KIF26A: variants seen among roughly 807,000 people sequenced by gnomAD.
The protein encoded by KIF26A is kinesin-like protein KIF26A.
KIF26A carries 74 observed loss-of-function variants against 126.0 expected under a neutral mutation model. The observed-to-expected ratio is 0.59, with a 90% CI of 0.49 to 0.71. The LOEUF is 0.71. Ranked by LOEUF, KIF26A falls within the 30% of genes least tolerant of loss-of-function variation. The probability of loss-of-function intolerance (pLI) is 0.00; values close to 1 mark genes in which losing one functional copy is unlikely to be tolerated. For missense variants in KIF26A, 2,984 were observed against 2,763.3 expected, an observed-to-expected ratio of 1.08 and a Z score of -1.79; for synonymous variants, 1,445 against 1,232.7, an observed-to-expected ratio of 1.17 and a Z score of -3.61.
intron 4 of KIF26A, among the ~76,000 whole-genome samples, chr14:104,164,379 C>T (rs149893078): frequency 0.013 from 1,958 of 152,302 alleles, 24 homozygotes; most frequent in Non-Finnish European, 0.021. Flanking sequence ...GGAGCGCCTC[C>T]TGTTGGGAGG....
chr14:104,165,745 G>C (rs921124229), intron 4 of KIF26A, among the ~76,000 whole-genome samples: 5 of 151,236 alleles, frequency 3.3e-5, no homozygotes, highest in Non-Finnish European at 5.9e-5. Context: ...ATGCATATGT[G>C]TGTCTGTGTT....
At chr14:104,165,091 A>T (rs1035591124) in intron 4 of KIF26A, among the ~76,000 whole-genome samples, 7 of 117,194 alleles carry the variant, frequency 6.0e-5, no homozygotes, top group Admixed American at 3.2e-4. Flanking sequence ...GTGTGTTTCT[A>T]TGTGTGTGTG....
At chr14:104,158,019 G>A in intron 4 of KIF26A, 77 bp downstream of exon 4, 1 of 1,353,558 alleles carries the variant, frequency 7.4e-7, no homozygotes, top group South Asian at 1.6e-5. Context: ...GGGACCTATG[G>A]GCCGTTCTTG....
At position 104,176,583 on chromosome 14, in the gene KIF26A, T is replaced by C. The variant is rs2038031179; in HGVS notation, c.3795T>C (p.Leu1265=). The C allele has an allele frequency of 1.2e-6, 2 of 1,608,006 alleles. No homozygotes were observed. The highest frequency in any genetic ancestry group is 2.7e-5 in the African/African-American group (2 of 74,900). Reference sequence around the variant, plus strand: ...CTGGCAGGGCCCCCAGCCCCACACTTGGCTCCCCCCGGCTGCCTGAGGCCC... The same window carrying C: ...CTGGCAGGGCCCCCAGCCCCACACTCGGCTCCCCCCGGCTGCCTGAGGCCC... The part of the protein sequence containing the change: ...ASAGRAPSPT[L]GSPRLPEAQV... Residue 1265 remains leucine (L), a synonymous_variant, in exon 12 of 15, where the codon CTT becomes CTC. Coordinates refer to ENST00000423312, the MANE Select transcript of KIF26A (RefSeq NM_015656.2).
intron 7 of KIF26A, 29 bp from the exon 8 acceptor site, chr14:104,172,948 G>A (rs1251243210): frequency 6.4e-7 from 1 of 1,558,794 alleles, no homozygotes; most frequent in Non-Finnish European, 8.7e-7. Context: ...GTGGTGTGTG[G>A]TGGGGCCTGA....
intron 13 of KIF26A, among the ~76,000 whole-genome samples, 173 bp from the exon 14 acceptor site, chr14:104,179,063 C>T (rs184016334): frequency 4.5e-4 from 69 of 152,246 alleles, no homozygotes; most frequent in Non-Finnish European, 8.7e-4. Context: ...GAGCCAGGAC[C>T]CAGACGGGCA....
At position 104,173,724 on chromosome 14, in the gene KIF26A, G is replaced by T; in HGVS notation, c.1886G>T (p.Arg629Leu). 1 of 1,611,190 alleles carries T rather than the reference G, an allele frequency of 6.2e-7. No individual in the cohort carries two copies. Residue 629 changes from arginine to leucine, a missense_variant, in exon 10 of 15, where the codon CGC (arginine) becomes CTC (leucine). Coordinates refer to ENST00000423312, the MANE Select transcript of KIF26A (RefSeq NM_015656.2). ...GRGGMSGGRS[R>L]LHLIDLGSCE... ...GTTCCAGTGTCCGGAGGCCGCAGCC[G>T]CCTGCACCTCATCGACCTGGGCAGC... is the stretch of plus-strand genomic sequence containing the variant.
At chr14:104,174,434 A>G (rs1345617364) in intron 11 of KIF26A, 124 bp downstream of exon 11, 12 of 970,150 alleles carry the variant, frequency 1.2e-5, no homozygotes, top group Middle Eastern at 3.4e-4. Context: ...TAGATGTCCT[A>G]TGTGTTCTGA....
chr14:104,146,521 C>T (rs960555188), intron 2 of KIF26A, among the ~76,000 whole-genome samples: 2 of 151,992 alleles, frequency 1.3e-5, no homozygotes, highest in African/African-American at 4.8e-5. Context: ...AGCCGGGCAG[C>T]GGGTATGCAG....
Position 104,175,501 on chromosome 14 carries a change from C to G in KIF26A, c.2713C>G (p.Pro905Ala). 1 of 1,595,916 alleles carries G rather than the reference C, an allele frequency of 6.3e-7. No individual in the cohort carries two copies. The highest frequency in any genetic ancestry group is 8.5e-7 in the Non-Finnish European group (1 of 1,177,866). Residue 905 changes from proline (P) to alanine (A), a missense_variant, in exon 12 of 15, where the codon CCA becomes GCA. Coordinates refer to ENST00000423312, the MANE Select transcript of KIF26A (RefSeq NM_015656.2). ...CAGCACCCCTCGAGGCAGTTCTGGT[C>G]CAGACACCCACCAGGGTACCCCTGA... The part of the protein sequence containing the change: ...AASTPRGSSG[P>A]DTHQGTPEPC...
At position 104,138,616 on chromosome 14, in the gene KIF26A, C is replaced by T. The variant is rs2037606305; in HGVS notation, c.-107C>T. On this transcript the variant is annotated 5_prime_UTR_variant, in exon 1 of 15. Coordinates refer to ENST00000423312, the MANE Select transcript of KIF26A (RefSeq NM_015656.2). ...GCAGGCTCTGCGAACTTCCGAGCGG[C>T]TGGGCCGGGCCATGGGGGCGCCTCG... 1 of 909,702 alleles carries T rather than the reference C, an allele frequency of 1.1e-6. No homozygotes were observed. Among genetic ancestry groups the T allele is most frequent in the Non-Finnish European group, 1.4e-6 (1 of 708,676 alleles). The allele number at this position is 909,702 out of a possible 1,614,324, so 56.4% of individuals were successfully genotyped here.
chr14:104,141,936 C>T (rs996749033), intron 2 of KIF26A, among the ~76,000 whole-genome samples: 18 of 152,176 alleles, frequency 1.2e-4, no homozygotes, highest in African/African-American at 3.6e-4. Context: ...GAGCAGTGCC[C>T]GGAAGGGATG....
chr14:104,157,899 G>C lies in KIF26A; in HGVS notation c.880G>C (p.Gly294Arg), dbSNP rs199886466. The change falls in exon 4 of 15, where the codon GGG becomes CGG. Residue 294 changes from glycine to arginine, a missense_variant. Gly to Arg is a moderately radical substitution (Grantham distance 125, BLOSUM62 -2). Transcript: ENST00000423312. ...ALVTPTPGSV[G>R]GSTGPSAAAS... ...GGTCACCCCCACCCCGGGCTCGGTG[G>C]GGGGCTCCACAGGCCCCTCAGCTGC... 43 of 1,564,730 alleles carry C rather than the reference G, an allele frequency of 2.7e-5. No individual in the cohort carries two copies. The African/African-American group carries it at 4.0e-4, about 15-fold the overall frequency.
rs1359055689 is a variant in KIF26A, at chr14:104,151,339, A to G, written c.289-676A>G. Reference sequence around the variant, plus strand: ...TCAGGGAAGGGGGCAGTCACCAAACAGGGTGCATCCCAGCGTACAGCTCAG... The same window carrying G: ...TCAGGGAAGGGGGCAGTCACCAAACGGGGTGCATCCCAGCGTACAGCTCAG... On this transcript the variant is annotated intron_variant, in intron 2 of 14. Transcript: ENST00000423312. This position sits in a 1 kb window ranked among gnomAD's most constrained non-coding sequence, Gnocchi z 4.9. Among the ~76,000 whole-genome samples, 1 of 145,444 alleles carries G rather than the reference A, an allele frequency of 6.9e-6. No homozygotes were observed. The highest frequency in any genetic ancestry group is 6.9e-5 in the Admixed American group (1 of 14,470).
At position 104,177,149 on chromosome 14, in the gene KIF26A, C is replaced by T. The variant is rs1337246790; in HGVS notation, c.4361C>T (p.Ala1454Val). ...CACAGCAGCAGCAAGGGCCGGGAAG[C>T]CCCTGGGCGGCCTCCCCGGGCTGTA... ...LAHSSSKGRE[A>V]PGRPPRAVPK... The change falls in exon 12 of 15, where the codon GCC (alanine) becomes GTC (valine). Residue 1454 changes from alanine (A) to valine (V), a missense_variant. By Grantham distance (64) the Ala-to-Val change is moderately conservative. Transcript: ENST00000423312. 3 of 1,597,794 alleles carry T rather than the reference C, an allele frequency of 1.9e-6. No individual in the cohort carries two copies. The highest frequency in any genetic ancestry group is 2.2e-5 in the East Asian group (1 of 44,852).
At chr14:104,172,719 A>C in intron 7 of KIF26A, 51 bp downstream of exon 7, 4 of 1,376,930 alleles carry the variant, frequency 2.9e-6, no homozygotes, top group Admixed American at 1.9e-5. Flanking sequence ...ACCCCCTCCC[A>C]TCCTCATCAC....
intron 4 of KIF26A, among the ~76,000 whole-genome samples, chr14:104,162,578 C>T (rs1036977414): frequency 2.8e-4 from 42 of 152,212 alleles, no homozygotes; most frequent in African/African-American, 4.8e-5. Context: ...CCGGCCTCCG[C>T]GTCCCCTGGA....
chr14:104,142,448 T>TGGCCTGGCCTCCTGC (rs1205677993), intron 2 of KIF26A, among the ~76,000 whole-genome samples: 3 of 151,998 alleles, frequency 2.0e-5, no homozygotes, highest in African/African-American at 7.3e-5. Context: ...TGGCCTCCTG[T>TGGCCTGGCCTCCTGC]GGCCTCCAGG....
In KIF26A at chr14:104,179,228, C is replaced by T. The variant is rs1279098127; in HGVS notation, c.5317-8C>T. The T allele has an allele frequency of 6.9e-7, 1 of 1,459,590 alleles. No individual in the cohort carries two copies. Among genetic ancestry groups the T allele is most frequent in the Non-Finnish European group, 9.0e-7 (1 of 1,110,400 alleles). 90.4% of individuals were successfully genotyped at this position (1,459,590 alleles called of 1,614,324 possible). A position where few individuals can be genotyped will look rare whatever the true frequency, so the allele number is the denominator to read the frequency against. On this transcript the variant is annotated splice_polypyrimidine_tract_variant and splice_region_variant and intron_variant, in intron 13 of 14. Transcript: ENST00000423312. ...CATGCCTGAGCCCCCGCCCGCCCTGCCTCCCAGGGTCTGGCGTGCGTCAGT... is the reference window on the plus strand; with the variant it reads ...CATGCCTGAGCCCCCGCCCGCCCTGTCTCCCAGGGTCTGGCGTGCGTCAGT...
Sources: allele counts gnomAD v4.1 joint callset (sites outside exome capture counted in the v4.1 genomes callset), GRCh38; gene constraint gnomAD v4.1.1; non-coding constraint Gnocchi (gnomAD v3.1); transcripts MANE v1.5; gene names NCBI Gene and HGNC (gene_info 2026-07-23, HGNC 2026-07-21).